Variants in UBE2D4 observed in about 807,000 individuals in gnomAD.
UBE2D4 encodes ubiquitin conjugating enzyme E2 D4.
UBE2D4 carries 17 observed loss-of-function variants against 23.0 expected under a neutral mutation model. The ratio of observed to expected loss-of-function variants is 0.74; its 90% CI spans 0.51 to 1.11. The LOEUF is 1.11. UBE2D4 is among the 50% of genes least tolerant of loss of function. The pLI, the probability that UBE2D4 is intolerant of heterozygous loss-of-function variation, is 0.00. For missense variants in UBE2D4, 139 were observed against 181.8 expected (o/e 0.76, Z 1.35); for synonymous variants, 61 against 69.4 (o/e 0.88, Z 0.60).
chr7:43,936,953 C>G (rs931246461), intron 1 of UBE2D4, among the ~76,000 whole-genome samples: 4 of 152,200 alleles, frequency 2.6e-5, no homozygotes, highest in East Asian at 3.9e-4. Flanking sequence ...TAGTTTCTTT[C>G]AAGTCACACC....
chr7:43,942,430 G>A lies in UBE2D4; in HGVS notation c.89-396G>A, dbSNP rs1585872428. 1.1e-5 allele frequency: 4 copies of A among 360,412 alleles called. No homozygotes were observed. In the East Asian group the frequency reaches 2.5e-4, roughly 23 times the overall value. The allele number at this position is 360,412 out of a possible 1,614,324, so 22.3% of individuals were successfully genotyped here. The stretch of plus-strand genomic sequence containing the variant: ...ATAAGTCAGTCATGCTCTCAGGGTG[G>A]AGCTCCAATGAGAATTCTGAATACG... On this transcript the variant is annotated intron_variant, in intron 2 of 6. Coordinates refer to ENST00000222402, the MANE Select transcript of UBE2D4 (RefSeq NM_015983.4).
chr7:43,938,540 G>A, intron 2 of UBE2D4, 46 bp downstream of exon 2: 1 of 1,596,892 alleles, frequency 6.3e-7, no homozygotes, highest in South Asian at 1.1e-5. Context: ...TTTTAATTAA[G>A]ACCCCCCAAC....
intron 4 of UBE2D4, among the ~76,000 whole-genome samples, chr7:43,947,759 G>GA (rs1457405684): frequency 6.6e-6 from 1 of 152,188 alleles, no homozygotes; most frequent in Admixed American, 6.5e-5. Flanking sequence ...ATACCTTGAG[G>GA]AATCACCACA....
At chr7:43,933,089 ATGTG>A (rs974514513) in intron 1 of UBE2D4, among the ~76,000 whole-genome samples, 1 of 147,594 alleles carries the variant, frequency 6.8e-6, no homozygotes, top group African/African-American at 2.5e-5. Flanking sequence ...ACACATATGT[ATGTG>A]TGTATATATA....
chr7:43,934,058 A>G (rs1403232563), intron 1 of UBE2D4, among the ~76,000 whole-genome samples: 3 of 152,234 alleles, frequency 2.0e-5, no homozygotes, highest in South Asian at 2.1e-4. Context: ...GAAACAGGAC[A>G]ACGACGAGTA....
chr7:43,932,936 T>G (rs2095949156), intron 1 of UBE2D4, among the ~76,000 whole-genome samples: 1 of 146,384 alleles, frequency 6.8e-6, no homozygotes, highest in Non-Finnish European at 1.5e-5. Context: ...TTTTTCTTGC[T>G]GGAATGTGTG....
intron 1 of UBE2D4, among the ~76,000 whole-genome samples, chr7:43,931,095 T>G (rs2095944340): frequency 6.7e-6 from 1 of 149,040 alleles, no homozygotes; most frequent in Non-Finnish European, 1.5e-5. Flanking sequence ...CACTCCAGCC[T>G]GGGTGATAGA....
At chr7:43,937,586 G>T (rs1055618922) in intron 1 of UBE2D4, among the ~76,000 whole-genome samples, 3 of 152,212 alleles carry the variant, frequency 2.0e-5, no homozygotes, top group African/African-American at 7.2e-5. Flanking sequence ...AACCCTCGGG[G>T]AGAAAACATG....
At chr7:43,952,318 G>A in intron 6 of UBE2D4, 1 of 278,716 alleles carries the variant, frequency 3.6e-6, no homozygotes, top group East Asian at 7.7e-5. Flanking sequence ...ACCTTTGTGT[G>A]TCTCTTCTCT....
At chr7:43,931,948 A>G (rs973538181) in intron 1 of UBE2D4, among the ~76,000 whole-genome samples, 11 of 151,738 alleles carry the variant, frequency 7.2e-5, no homozygotes, top group African/African-American at 1.5e-4. Context: ...TGGGCCTCCC[A>G]AAGTGCTGGG....
rs2132740835 is a variant in UBE2D4 at position 43,926,513 on chromosome 7, G to A, written c.-20G>A. On this transcript the variant is annotated 5_prime_UTR_variant, in exon 1 of 7. Transcript: ENST00000222402. Reference sequence around the variant, plus strand: ...AGGCAGCCCCGGCCGGGCCGCCCGGGTCCCCGGCAGCGGGGTAGGATGGCG... The same window carrying A: ...AGGCAGCCCCGGCCGGGCCGCCCGGATCCCCGGCAGCGGGGTAGGATGGCG... 1.3e-6 allele frequency: 2 copies of A among 1,524,650 alleles called. No homozygotes were observed. Among genetic ancestry groups the A allele is most frequent in the East Asian group, 2.7e-5 (1 of 36,490 alleles). 94.4% of individuals were successfully genotyped at this position (1,524,650 alleles called of 1,614,324 possible).
chr7:43,948,569 T>A, intron 4 of UBE2D4, 63 bp from the exon 5 acceptor site: 1 of 1,104,850 alleles, frequency 9.1e-7, no homozygotes, highest in Admixed American at 1.8e-5. Flanking sequence ...GCTTCTGCTT[T>A]ACTTGGTTCA....
chr7:43,931,047 C>G (rs1381973882), intron 1 of UBE2D4, among the ~76,000 whole-genome samples: 3 of 151,754 alleles, frequency 2.0e-5, no homozygotes, highest in African/African-American at 4.8e-5. Flanking sequence ...TTGCTTGAAC[C>G]CGGGAGGCAG....
intron 1 of UBE2D4, among the ~76,000 whole-genome samples, chr7:43,931,890 T>A (rs1585856122): frequency 6.6e-6 from 1 of 152,118 alleles, no homozygotes; most frequent in African/African-American, 2.4e-5. Flanking sequence ...GGTTTTGCCA[T>A]GTTGCCAGGC....
rs1367652936 is a variant in UBE2D4 at position 43,955,408 on chromosome 7, A to C, written c.*2713A>C. The C allele has an allele frequency of 6.6e-6, 1 of 152,158 alleles. No homozygotes were observed. The highest frequency in any genetic ancestry group is 6.6e-5 in the Admixed American group (1 of 15,266). The allele number at this position is 152,158 out of a possible 1,614,324, so 9.4% of individuals were successfully genotyped here. On this transcript the variant is annotated 3_prime_UTR_variant, in exon 7 of 7. Transcript: ENST00000222402. Reference sequence around the variant, plus strand: ...AGAAGCGTCTGTGTTTGCTGAATGGAGCTGAGATTTTGATCCGCTATCAGA... The same window carrying C: ...AGAAGCGTCTGTGTTTGCTGAATGGCGCTGAGATTTTGATCCGCTATCAGA...
chr7:43,952,746 G>A lies in UBE2D4; in HGVS notation c.*51G>A. ...ACTGTCCAAGAGAAGCTGGCAGAGA[G>A]GTCTTCCCTTAAAACTTTGGGCTGT... is the stretch of plus-strand genomic sequence containing the variant. On this transcript the variant is annotated 3_prime_UTR_variant, in exon 7 of 7. Transcript: ENST00000222402. The A allele has an allele frequency of 6.6e-7, 1 of 1,515,210 alleles. No individual in the cohort carries two copies. Among genetic ancestry groups the A allele is most frequent in the Non-Finnish European group, 9.2e-7 (1 of 1,090,388 alleles). 93.9% of individuals were successfully genotyped at this position (1,515,210 alleles called of 1,614,324 possible). A position where few individuals can be genotyped will look rare whatever the true frequency, so the allele number is the denominator to read the frequency against.
intron 2 of UBE2D4, 107 bp downstream of exon 2, chr7:43,938,601 CA>C (rs1198770963): frequency 9.2e-7 from 1 of 1,088,136 alleles, no homozygotes; most frequent in African/African-American, 1.6e-5. Flanking sequence ...TTTGGGAAGC[CA>C]AGGTGGGTGG....
At chr7:43,928,691 A>G (rs2095938830) in intron 1 of UBE2D4, among the ~76,000 whole-genome samples, 1 of 152,178 alleles carries the variant, frequency 6.6e-6, no homozygotes, top group Non-Finnish European at 1.5e-5. Flanking sequence ...ACCACATTGC[A>G]GAAGTGGAAT....
chr7:43,930,695 C>A (rs4724258), intron 1 of UBE2D4, among the ~76,000 whole-genome samples: 19,002 of 152,196 alleles, frequency 0.12, 1,272 homozygotes, highest in Admixed American at 0.18. Flanking sequence ...CTCATGTAAT[C>A]CTCCCACCTC....
Sources: allele counts gnomAD v4.1 joint callset (sites outside exome capture counted in the v4.1 genomes callset), GRCh38; gene constraint gnomAD v4.1.1; transcripts MANE v1.5; gene names NCBI Gene and HGNC (gene_info 2026-07-23, HGNC 2026-07-21).